Variants in SUPT6H observed in about 807,000 individuals in gnomAD.
The protein encoded by SUPT6H is transcription elongation factor SPT6.
In SUPT6H, 11 loss-of-function variants were observed where a neutral mutation model predicts 222.3. The ratio of observed to expected loss-of-function variants is 0.05; its 90% CI spans 0.03 to 0.08. SUPT6H has a LOEUF of 0.08. SUPT6H is among the 10% of genes least tolerant of loss of function. The pLI, the probability that SUPT6H is intolerant of heterozygous loss-of-function variation, is 1.00. For missense variants in SUPT6H, 1,422 were observed against 2,216.0 expected, an observed-to-expected ratio of 0.64 and a Z score of 7.19; for synonymous variants, 762 against 801.2, an observed-to-expected ratio of 0.95 and a Z score of 0.83.
At chr17:28,693,937 C>T (rs2031789308) in intron 28 of SUPT6H, 101 bp downstream of exon 28, 4 of 1,476,164 alleles carry the variant, frequency 2.7e-6, no homozygotes, top group Non-Finnish European at 2.8e-6. Flanking sequence ...GGCTCTGTTC[C>T]CAGTGGCTGC....
intron 1 of SUPT6H, among the ~76,000 whole-genome samples, chr17:28,663,827 C>CCTTTTTTTTTTTTTTTTTTTTTTTTT (rs1567681347): frequency 1.2e-4 from 1 of 8,408 alleles, no homozygotes; most frequent in Non-Finnish European, 3.1e-4. Context: ...CTGCCCACTC[C>CCTTTTTTTTTTTTTTTTTTTTTTTTT]ATTTTTTTTT....
intron 1 of SUPT6H, among the ~76,000 whole-genome samples, chr17:28,665,771 C>CGTATAT (rs566700765): frequency 4.3e-4 from 66 of 152,112 alleles, no homozygotes; most frequent in African/African-American, 3.9e-4. Flanking sequence ...CTCAAAAAAA[C>CGTATAT]GTATATGTAT....
At chr17:28,693,089 G>A (rs745820602) in intron 27 of SUPT6H, among the ~76,000 whole-genome samples, 14 of 151,896 alleles carry the variant, frequency 9.2e-5, no homozygotes, top group African/African-American at 1.7e-4. Flanking sequence ...AGGATCACTC[G>A]AGCCTGGGAG....
chr17:28,662,250 G>T lies in SUPT6H; in HGVS notation c.-124G>T. ...GGTGGCGGCGGAGGGGCCGTGCGGT[G>T]GGTCCGTACTATCTTTTCCCAGTCT... On this transcript the variant is annotated 5_prime_UTR_variant, in exon 1 of 37. Transcript: ENST00000314616. 1 of 197,524 alleles carries T rather than the reference G, an allele frequency of 5.1e-6. No individual in the cohort carries two copies. Among genetic ancestry groups the T allele is most frequent in the South Asian group, 8.1e-5 (1 of 12,382 alleles). The allele number at this position is 197,524 out of a possible 1,614,324, so 12.2% of individuals were successfully genotyped here. A position where few individuals can be genotyped will look rare whatever the true frequency, so the allele number is the denominator to read the frequency against.
At chr17:28,690,040 G>C (rs758929027) in intron 25 of SUPT6H, 42 bp from the exon 26 acceptor site, 4 of 1,588,792 alleles carry the variant, frequency 2.5e-6, no homozygotes, top group Admixed American at 1.7e-5. Flanking sequence ...GCTCAGGTTG[G>C]GGGGCAGCTG....
At chr17:28,699,394 C>T (rs2032047354) in intron 32 of SUPT6H, among the ~76,000 whole-genome samples, 1 of 152,226 alleles carries the variant, frequency 6.6e-6, no homozygotes, top group African/African-American at 2.4e-5. Flanking sequence ...CCACCTTCCA[C>T]AGCCACTGCA....
At chr17:28,679,410 G>A (rs994255271) in intron 11 of SUPT6H, among the ~76,000 whole-genome samples, 5 of 152,114 alleles carry the variant, frequency 3.3e-5, no homozygotes, top group South Asian at 2.1e-4. Flanking sequence ...AAAGCCAGGC[G>A]TGGTGGCTTC....
In SUPT6H at chr17:28,662,236, A is replaced by AGGGGCCGTGCGGT. The variant is rs1386228527; in HGVS notation, c.-134_-122dup. 8 of 210,244 alleles carry AGGGGCCGTGCGGT rather than the reference A, an allele frequency of 3.8e-5. No individual in the cohort carries two copies. In the East Asian group the frequency reaches 9.2e-4, roughly 24 times the overall value. 13.0% of individuals were successfully genotyped at this position (210,244 alleles called of 1,614,324 possible). ...GCAGCAGCGGCGGCGGTGGCGGCGG[A>AGGGGCCGTGCGGT]GGGGCCGTGCGGTGGGTCCGTACTA... is the stretch of plus-strand genomic sequence containing the variant. On this transcript the variant is annotated 5_prime_UTR_variant, in exon 1 of 37. Transcript: ENST00000314616.
rs771503005 is a variant in SUPT6H, at chr17:28,678,199, C to T, written c.1116+7C>T. The T allele has an allele frequency of 1.7e-5, 27 of 1,606,414 alleles. No individual in the cohort carries two copies. The Admixed American group carries it at 4.7e-4, about 28-fold the overall frequency. ...GCGAAATCAGCATTTTGAGGTAACA[C>T]CTCAAGCTCTGGTGGCCCATTGGTG... On this transcript the variant is annotated splice_region_variant and intron_variant, in intron 9 of 36. Coordinates refer to ENST00000314616, the MANE Select transcript of SUPT6H (RefSeq NM_003170.5).
At chr17:28,696,034 C>G (rs145576704) in intron 29 of SUPT6H, among the ~76,000 whole-genome samples, 1 of 151,964 alleles carries the variant, frequency 6.6e-6, no homozygotes, top group Non-Finnish European at 1.5e-5. Flanking sequence ...GAGCCAGGTG[C>G]GGTGGCTCAT....
chr17:28,700,879 A>C (rs1467355247), intron 35 of SUPT6H, 62 bp from the exon 36 acceptor site: 1 of 1,546,542 alleles, frequency 6.5e-7, no homozygotes, highest in African/African-American at 1.4e-5. Flanking sequence ...CTTACCCAGA[A>C]TTCACAGCAA....
rs139563708 is a variant in SUPT6H, at chr17:28,684,901, T to C, written c.2427T>C (p.Leu809=). The change falls in exon 19 of 37, where the codon CTT becomes CTC. Residue 809 remains leucine, a synonymous_variant. Transcript: ENST00000314616. The part of the protein sequence containing the change: ...VNGEGEVTDF[L]RLPHFTKRRT... ...GTGAAGGAGAAGTGACAGACTTCCT[T>C]CGACTGCCCCATTTTACCAAACGGC... 6.2e-7 allele frequency: 1 copy of C among 1,614,198 alleles called. No homozygotes were observed. Among genetic ancestry groups the C allele is most frequent in the Non-Finnish European group, 8.5e-7 (1 of 1,180,032 alleles).
At chr17:28,693,659 A>T in intron 27 of SUPT6H, 37 bp from the exon 28 acceptor site, 1 of 1,613,138 alleles carries the variant, frequency 6.2e-7, no homozygotes. Context: ...TCTCCAGAAT[A>T]TTGATAATCA....
At chr17:28,665,190 A>G (rs1373243372) in intron 1 of SUPT6H, among the ~76,000 whole-genome samples, 2 of 152,142 alleles carry the variant, frequency 1.3e-5, no homozygotes, top group East Asian at 1.9e-4. Flanking sequence ...CTCTAGTGCC[A>G]TCAGCCTCAG....
chr17:28,696,104 A>C (rs1415683192), intron 29 of SUPT6H, among the ~76,000 whole-genome samples: 1 of 152,062 alleles, frequency 6.6e-6, no homozygotes, highest in African/African-American at 2.4e-5. Flanking sequence ...TCAGGAGTTC[A>C]AGACCAGCCT....
At chr17:28,665,922 T>C (rs750032220) in intron 1 of SUPT6H, among the ~76,000 whole-genome samples, 9 of 152,034 alleles carry the variant, frequency 5.9e-5, no homozygotes, top group Non-Finnish European at 1.0e-4. Context: ...TCTCAGAAAA[T>C]AATAAGTTTT....
chr17:28,683,634 C>G lies in SUPT6H; in HGVS notation c.2047C>G (p.Gln683Glu). Residue 683 changes from glutamine to glutamate, a missense_variant, in exon 17 of 37, where the codon CAG becomes GAG. Coordinates refer to ENST00000314616, the MANE Select transcript of SUPT6H (RefSeq NM_003170.5). ...LKGVEGYGND[Q>E]TYFEEIKQFY... ...GTCTCTTCTCAGCTATGGCAACGAC[C>G]AGACATATTTTGAGGAGATAAAACA... 2 of 1,613,862 alleles carry G rather than the reference C, an allele frequency of 1.2e-6. No homozygotes were observed. The highest frequency in any genetic ancestry group is 1.7e-6 in the Non-Finnish European group (2 of 1,179,874).
Position 28,693,740 on chromosome 17 carries a change from C to T in SUPT6H, c.3678C>T (p.Ile1226=), listed in dbSNP as rs761330947. ...FDSGSCPGQA[I]GVKTRLDNGV... ...GCGGTTCGTGCCCAGGCCAGGCCATCGGTGTCAAAACACGGCTAGACAATG... is the reference window on the plus strand; with the variant it reads ...GCGGTTCGTGCCCAGGCCAGGCCATTGGTGTCAAAACACGGCTAGACAATG... The change falls in exon 28 of 37, where the codon ATC becomes ATT. Residue 1226 remains isoleucine (I), a synonymous_variant. Transcript: ENST00000314616. The T allele has an allele frequency of 9.9e-6, 16 of 1,614,080 alleles. No homozygotes were observed. Among genetic ancestry groups the T allele is most frequent in the East Asian group, 4.5e-5 (2 of 44,902 alleles).
chr17:28,688,318 A>G lies in SUPT6H; in HGVS notation c.3134+100A>G. 2.1e-6 allele frequency: 3 copies of G among 1,405,678 alleles called. No individual in the cohort carries two copies. Among genetic ancestry groups the G allele is most frequent in the Non-Finnish European group, 2.8e-6 (3 of 1,058,820 alleles). 87.1% of individuals were successfully genotyped at this position (1,405,678 alleles called of 1,614,324 possible). On this transcript the variant is annotated intron_variant, in intron 24 of 36. Coordinates refer to ENST00000314616, the MANE Select transcript of SUPT6H (RefSeq NM_003170.5). The surrounding 1 kb of genome is among the most constrained non-coding windows in gnomAD (Gnocchi z 4.3). Reference sequence around the variant, plus strand: ...TATCAAAGGGCCACAAGCCATTTTAACTTAGGAAATGTTTTAAAGAAAAGG... The same window carrying G: ...TATCAAAGGGCCACAAGCCATTTTAGCTTAGGAAATGTTTTAAAGAAAAGG...
Sources: allele counts gnomAD v4.1 joint callset (sites outside exome capture counted in the v4.1 genomes callset), GRCh38; gene constraint gnomAD v4.1.1; non-coding constraint Gnocchi (gnomAD v3.1); transcripts MANE v1.5; gene names NCBI Gene and HGNC (gene_info 2026-07-23, HGNC 2026-07-21).